Variants in METTL15 observed in about 807,000 individuals in gnomAD.
The protein encoded by METTL15 is methyltransferase 15, mitochondrial 12S rRNA N4-cytidine, also known as 12S rRNA N(4)-cytidine methyltransferase METTL15.
METTL15 carries 34 observed loss-of-function variants against 38.3 expected under a neutral mutation model. The observed-to-expected ratio is 0.89, with a 90% CI of 0.68 to 1.18. METTL15 has a LOEUF of 1.18. Ranked by LOEUF, METTL15 falls within the 50% of genes most tolerant of loss-of-function variation. The pLI is 0.00. For synonymous variants in METTL15, 162 were observed against 170.9 expected (o/e 0.95, Z 0.41); for missense variants, 438 against 498.4 (o/e 0.88, Z 1.15).
chr11:28,140,341 A>T (rs1420346330), intron 3 of METTL15, among the ~76,000 whole-genome samples: 1 of 152,184 alleles, frequency 6.6e-6, no homozygotes, highest in African/African-American at 2.4e-5. Flanking sequence ...CTGGTTTGGA[A>T]TAAGGCTGAC....
At chr11:28,181,414 C>G (rs1440709131) in intron 3 of METTL15, among the ~76,000 whole-genome samples, 1 of 151,830 alleles carries the variant, frequency 6.6e-6, no homozygotes, top group Non-Finnish European at 1.5e-5. Context: ...CCTAGTACCT[C>G]ACCCCCTGAC....
Position 28,175,450 on chromosome 11 carries a change from AG to A in METTL15, c.271-35609del, listed in dbSNP as rs767210592. Among the ~76,000 whole-genome samples, 5 of 151,812 alleles carry A rather than the reference AG, an allele frequency of 3.3e-5. No homozygotes were observed. The South Asian group carries it at 8.3e-4, about 25-fold the overall frequency. On this transcript the variant is annotated intron_variant, in intron 3 of 6. Coordinates refer to ENST00000407364, the MANE Select transcript of METTL15 (RefSeq NM_001113528.2). The stretch of plus-strand genomic sequence containing the variant: ...TATAGCAGCATGATTTATAATCCTT[AG>A]GGTATATACCCAGTAATGGGATTGC...
In METTL15 at chr11:28,331,868, T is replaced by TA. The variant is rs1420619366; in HGVS notation, c.*1028dup. ...ACCTGAAAGATGAGTTGGAGATAAT[T>TA]AGTCAAAGGGCACATGGAGTATGGA... is the stretch of plus-strand genomic sequence containing the variant. On this transcript the variant is annotated 3_prime_UTR_variant, in exon 7 of 7. Coordinates refer to ENST00000407364, the MANE Select transcript of METTL15 (RefSeq NM_001113528.2). 6.6e-6 allele frequency: 1 copy of TA among 152,112 alleles called. No individual in the cohort carries two copies. Among genetic ancestry groups the TA allele is most frequent in the Non-Finnish European group, 1.5e-5 (1 of 67,986 alleles). 9.4% of individuals were successfully genotyped at this position (152,112 alleles called of 1,614,324 possible). A position where few individuals can be genotyped will look rare whatever the true frequency, so the allele number is the denominator to read the frequency against.
intron 3 of METTL15, chr11:28,123,881 A>C (rs981235323): frequency 2.0e-6 from 3 of 1,472,704 alleles, no homozygotes; most frequent in Non-Finnish European, 2.7e-6. Context: ...TAAACTGTGG[A>C]TATTTAATAT....
At chr11:28,281,602 A>G (rs1330942237) in intron 4 of METTL15, among the ~76,000 whole-genome samples, 2 of 152,186 alleles carry the variant, frequency 1.3e-5, no homozygotes, top group African/African-American at 4.8e-5. Flanking sequence ...ATCAAGTTAA[A>G]CTGCTGTAAA....
At chr11:28,376,152 G>T (rs1850308924) in intron 5 of METTL15, among the ~76,000 whole-genome samples, 2 of 151,826 alleles carry the variant, frequency 1.3e-5, no homozygotes. Flanking sequence ...TGTTGATTTG[G>T]GGTGGAGAGT....
intron 4 of METTL15, among the ~76,000 whole-genome samples, chr11:28,275,236 A>AAAAGAC (rs1337624629): frequency 3.3e-5 from 5 of 151,814 alleles, no homozygotes. Context: ...AACCAAGAAA[A>AAAAGAC]AAAGACCCAA....
At chr11:28,497,533 C>T (rs149349718) in intron 6 of METTL15, among the ~76,000 whole-genome samples, 1 of 152,340 alleles carries the variant, frequency 6.6e-6, no homozygotes, top group East Asian at 1.9e-4. Context: ...GGGTGTCTTA[C>T]TCTGTTTGTG....
intron 3 of METTL15, among the ~76,000 whole-genome samples, chr11:28,119,948 G>A: frequency 6.6e-6 from 1 of 152,070 alleles, no homozygotes; most frequent in African/African-American, 2.4e-5. Flanking sequence ...CCTAGAGGGA[G>A]ATATCTTTTT....
Position 28,418,550 on chromosome 11 carries a change from G to A in METTL15, c.*359-5749G>A, listed in dbSNP as rs543017688. On this transcript the variant is annotated intron_variant and NMD_transcript_variant, in intron 5 of 7. Coordinates refer to the METTL15 transcript ENST00000532947. ...GGCTCAATAGAAGCCTCTGCCGATC[G>A]TCCTCTCTGCAGGAACACCAAATTT... Among the ~76,000 whole-genome samples, 110 of 152,188 alleles carry A rather than the reference G, an allele frequency of 7.2e-4. No homozygotes were observed. The Middle Eastern group carries it at 0.014, about 19-fold the overall frequency.
chr11:28,416,402 A>G (rs776712481), intron 5 of METTL15, among the ~76,000 whole-genome samples: 3 of 152,216 alleles, frequency 2.0e-5, no homozygotes, highest in Admixed American at 6.5e-5. Context: ...CCATTTGGGT[A>G]AAGAATATGG....
chr11:28,431,143 C>G (rs1362174216), intron 6 of METTL15, among the ~76,000 whole-genome samples: 1 of 83,462 alleles, frequency 1.2e-5, no homozygotes, highest in East Asian at 3.1e-4. Context: ...GCCGCCCCAT[C>G]CGGGAGGGAG....
At chr11:28,322,678 G>T (rs977458830) in intron 6 of METTL15, among the ~76,000 whole-genome samples, 1 of 152,112 alleles carries the variant, frequency 6.6e-6, no homozygotes, top group Non-Finnish European at 1.5e-5. Context: ...TTCACATACA[G>T]TTGCAAATAT....
chr11:28,377,659 C>G (rs1397869732), intron 5 of METTL15, among the ~76,000 whole-genome samples: 1 of 152,192 alleles, frequency 6.6e-6, no homozygotes, highest in African/African-American at 2.4e-5. Context: ...TCTCTCAGCT[C>G]GTCAAAGTCA....
intron 5 of METTL15, among the ~76,000 whole-genome samples, chr11:28,384,701 C>A (rs1046621422): frequency 9.9e-5 from 15 of 152,072 alleles, no homozygotes; most frequent in Non-Finnish European, 1.9e-4. Context: ...GTTTTTAGGT[C>A]TTTGAGGAGT....
chr11:28,353,521 A>C (rs1850060019), intron 4 of METTL15, among the ~76,000 whole-genome samples: 1 of 152,188 alleles, frequency 6.6e-6, no homozygotes, highest in Non-Finnish European at 1.5e-5. Flanking sequence ...TGTGATAGAC[A>C]GCAGGTAGCC....
chr11:28,422,914 A>G (rs901556053), intron 5 of METTL15, among the ~76,000 whole-genome samples: 3 of 152,014 alleles, frequency 2.0e-5, no homozygotes, highest in Non-Finnish European at 4.4e-5. Context: ...AAAACAGCCC[A>G]TAGAATGGGA....
At chr11:28,494,180 C>T (rs1851518468) in intron 6 of METTL15, among the ~76,000 whole-genome samples, 1 of 152,090 alleles carries the variant, frequency 6.6e-6, no homozygotes, top group Admixed American at 6.6e-5. Context: ...CTCAGTTCTC[C>T]ACACTCATTG....
intron 6 of METTL15, among the ~76,000 whole-genome samples, chr11:28,495,611 A>G (rs886431923): frequency 6.6e-6 from 1 of 152,206 alleles, no homozygotes; most frequent in African/African-American, 2.4e-5. Context: ...AGTTATTCAT[A>G]TAACTCTGAG....
Sources: gnomAD v4.1 joint callset for allele counts (sites outside exome capture counted in the v4.1 genomes callset) on GRCh38, gnomAD v4.1.1 for gene constraint, MANE v1.5 for transcripts, NCBI Gene and HGNC (gene_info 2026-07-23, HGNC 2026-07-21) for gene names.